Variants in ATXN10 observed in about 807,000 individuals in gnomAD.
The protein encoded by ATXN10 is ataxin-10.
Under a neutral mutation model 52.9 loss-of-function variants are expected in ATXN10, and 28 were observed. The ratio of observed to expected loss-of-function variants is 0.53; its 90% CI spans 0.39 to 0.73. The LOEUF (loss-of-function observed/expected upper bound fraction) is 0.73. Ranked by LOEUF, ATXN10 falls within the 30% of genes least tolerant of loss-of-function variation. ATXN10 has a pLI of 0.00. For missense variants in ATXN10, 565 were observed against 577.0 expected, an observed-to-expected ratio of 0.98 and a Z score of 0.21; for synonymous variants, 226 against 221.5, an observed-to-expected ratio of 1.02 and a Z score of -0.18.
At chr22:45,723,412 T>C (rs1924740119) in intron 6 of ATXN10, among the ~76,000 whole-genome samples, 1 of 151,890 alleles carries the variant, frequency 6.6e-6, no homozygotes, top group African/African-American at 2.4e-5. Flanking sequence ...TATAGTGGTG[T>C]GGTTTTGGTC....
At position 45,840,490 on chromosome 22, in the gene ATXN10, G is replaced by A. The variant is rs1266668810; in HGVS notation, c.1238-2501G>A. On this transcript the variant is annotated intron_variant, in intron 10 of 11. Transcript: ENST00000252934. The surrounding 1 kb of genome is among the most constrained non-coding windows in gnomAD (Gnocchi z 5.8). The stretch of plus-strand genomic sequence containing the variant: ...CCATGAGAAAGGAAGCAGCAGTGAG[G>A]GAAGCACATCCCAGGTCAGGGATTC... 6.6e-6 allele frequency among the ~76,000 whole-genome samples: 1 copy of A among 152,188 alleles called. No homozygotes were observed. The highest frequency in any genetic ancestry group is 1.9e-4 in the East Asian group (1 of 5,180).
At chr22:45,755,422 A>G (rs1225016829) in intron 9 of ATXN10, among the ~76,000 whole-genome samples, 1 of 152,196 alleles carries the variant, frequency 6.6e-6, no homozygotes, top group Non-Finnish European at 1.5e-5. Flanking sequence ...TCAAGAGACC[A>G]AGGAGGAGCA....
At chr22:45,798,154 T>G (rs926532319) in intron 9 of ATXN10, among the ~76,000 whole-genome samples, 1 of 152,208 alleles carries the variant, frequency 6.6e-6, no homozygotes, top group African/African-American at 2.4e-5. Flanking sequence ...GAGGGAACAC[T>G]TCTCAACTTA....
intron 9 of ATXN10, among the ~76,000 whole-genome samples, chr22:45,782,187 CTT>C (rs1219147049): frequency 7.2e-5 from 11 of 152,190 alleles, no homozygotes; most frequent in Non-Finnish European, 1.5e-5. Context: ...TCTTCTCAGT[CTT>C]TTATTCTTCA....
chr22:45,678,792 G>C lies in ATXN10; in HGVS notation c.116+6613G>C, dbSNP rs536320171. ...TTGACTCACACCACACATGATACAT[G>C]TAAGATCTGTGCTTAGTGCTGCAGC... is the stretch of plus-strand genomic sequence containing the variant. On this transcript the variant is annotated intron_variant, in intron 1 of 11. Coordinates refer to ENST00000252934, the MANE Select transcript of ATXN10 (RefSeq NM_013236.4). This position sits in a 1 kb window ranked among gnomAD's most constrained non-coding sequence, Gnocchi z 4.1. 152 of 152,284 alleles carry C rather than the reference G, an allele frequency of 1.0e-3. No homozygotes were observed. Among genetic ancestry groups the C allele is most frequent in the African/African-American group, 3.5e-3 (147 of 41,566 alleles). 9.4% of individuals were successfully genotyped at this position (152,284 alleles called of 1,614,324 possible). A position where few individuals can be genotyped will look rare whatever the true frequency, so the allele number is the denominator to read the frequency against.
At position 45,742,684 on chromosome 22, in the gene ATXN10, AT is replaced by A. The variant is rs537548349; in HGVS notation, c.1173+2147del. On this transcript the variant is annotated intron_variant, in intron 9 of 11. Coordinates refer to ENST00000252934, the MANE Select transcript of ATXN10 (RefSeq NM_013236.4). The stretch of plus-strand genomic sequence containing the variant: ...TAAAACGGCCGCTTTAGGATGCTAA[AT>A]GTTAGGGTAATTTGTTATGTAGCCG... 6.0e-3 allele frequency among the ~76,000 whole-genome samples: 919 copies of A among 152,300 alleles called. 3 individuals carry two copies. The highest frequency in any genetic ancestry group is 0.02 in the Middle Eastern group (6 of 294).
At chr22:45,799,045 A>G (rs948439097) in intron 9 of ATXN10, among the ~76,000 whole-genome samples, 2 of 151,836 alleles carry the variant, frequency 1.3e-5, no homozygotes, top group African/African-American at 4.8e-5. Context: ...AGTGAATGCT[A>G]TACCAGTCAG....
chr22:45,693,060 C>G lies in ATXN10; in HGVS notation c.373C>G (p.Gln125Glu). The G allele has an allele frequency of 6.2e-7, 1 of 1,613,872 alleles. No individual in the cohort carries two copies. Among genetic ancestry groups the G allele is most frequent in the Non-Finnish European group, 8.5e-7 (1 of 1,179,824 alleles). The change falls in exon 3 of 12, where the codon CAG (glutamine) becomes GAG (glutamate). Residue 125 changes from glutamine (Q) to glutamate (E), a missense_variant. Transcript: ENST00000252934. ...TCTGTTTCGTGAACTGCGAGTGGAA[C>G]AGGAATCTCTGTTGACAGGTAGCAT... Reference protein sequence around the residue: ...ILLFRELRVEQESLLTAFRCG... With the variant: ...ILLFRELRVEEESLLTAFRCG...
At chr22:45,685,709 T>C (rs567437371) in intron 1 of ATXN10, among the ~76,000 whole-genome samples, 1 of 152,308 alleles carries the variant, frequency 6.6e-6, no homozygotes, top group South Asian at 2.1e-4. Context: ...AGTTAAATGC[T>C]TTCATAGTAT....
intron 9 of ATXN10, among the ~76,000 whole-genome samples, chr22:45,778,024 C>T (rs570362238): frequency 6.6e-6 from 1 of 152,226 alleles, no homozygotes; most frequent in African/African-American, 2.4e-5. Context: ...TTTAATATTG[C>T]CTATGGCCAT....
At chr22:45,752,720 G>C (rs997619866) in intron 9 of ATXN10, among the ~76,000 whole-genome samples, 11 of 151,976 alleles carry the variant, frequency 7.2e-5, no homozygotes, top group African/African-American at 1.4e-4. Context: ...GGATTATTTT[G>C]TGGTTCTTTT....
rs754834174 is a variant in ATXN10 at position 45,793,770 on chromosome 22, G to A, written c.1174-13189G>A. The A allele has an allele frequency of 2.6e-5, 36 of 1,379,036 alleles. No homozygotes were observed. The South Asian group carries it at 5.8e-4, about 22-fold the overall frequency. 85.4% of individuals were successfully genotyped at this position (1,379,036 alleles called of 1,614,324 possible). On this transcript the variant is annotated intron_variant, in intron 9 of 11. Transcript: ENST00000252934. ...CCGATTCCTGCCTTTCCCCAGTGAT[G>A]CAGGACAGGTAAGCCCCCAAATTGG... is the stretch of plus-strand genomic sequence containing the variant.
chr22:45,689,740 A>G lies in ATXN10; in HGVS notation c.145A>G (p.Arg49Gly). The G allele has an allele frequency of 8.1e-6, 13 of 1,614,156 alleles. No individual in the cohort carries two copies. Among genetic ancestry groups the G allele is most frequent in the Non-Finnish European group, 1.1e-5 (13 of 1,180,016 alleles). ...RETAPRTIFQ[R>G]VLDILKKSSH... ...AACAGCACCCAGGACTATCTTCCAA[A>G]GAGTTCTGGATATCCTAAAGAAATC... is the stretch of plus-strand genomic sequence containing the variant. The change falls in exon 2 of 12, where the codon AGA becomes GGA. Residue 49 changes from arginine (R) to glycine (G), a missense_variant. Physicochemically the swap from Arg to Gly is moderately radical, Grantham distance 125. Coordinates refer to ENST00000252934, the MANE Select transcript of ATXN10 (RefSeq NM_013236.4).
rs779503907 is a variant in ATXN10, at chr22:45,842,637, C to T, written c.1238-354C>T. 7.2e-5 allele frequency among the ~76,000 whole-genome samples: 11 copies of T among 152,082 alleles called. No individual in the cohort carries two copies. Among genetic ancestry groups the T allele is most frequent in the South Asian group, 6.2e-4 (3 of 4,818 alleles). On this transcript the variant is annotated intron_variant, in intron 10 of 11. Transcript: ENST00000252934. The surrounding 1 kb of genome is among the most constrained non-coding windows in gnomAD (Gnocchi z 4.8). ...CAACAAAGGAATGTGTGTGTGTGCA[C>T]GCACACACGTTTGCCTGTGTGTGTG...
At chr22:45,698,748 C>T (rs749531504) in intron 3 of ATXN10, among the ~76,000 whole-genome samples, 10 of 152,162 alleles carry the variant, frequency 6.6e-5, no homozygotes, top group Admixed American at 3.3e-4. Flanking sequence ...ACCTTGAAAA[C>T]GGCAGCTAGT....
chr22:45,750,939 G>GTT lies in ATXN10; in HGVS notation c.1173+10409_1173+10410dup, dbSNP rs5845726. 3.3e-4 allele frequency among the ~76,000 whole-genome samples: 50 copies of GTT among 150,838 alleles called. No homozygotes were observed. Among genetic ancestry groups the GTT allele is most frequent in the Middle Eastern group, 3.5e-3 (1 of 288 alleles). ...AATTCTTTCTTTCTTCTACTTTCCT[G>GTT]TTTTTTTTTGAGACAGAGTCTTGCT... On this transcript the variant is annotated intron_variant, in intron 9 of 11. Transcript: ENST00000252934. This position sits in a 1 kb window ranked among gnomAD's most constrained non-coding sequence, Gnocchi z 4.2.
At chr22:45,741,039 T>C (rs148048502) in intron 9 of ATXN10, among the ~76,000 whole-genome samples, 220 of 152,286 alleles carry the variant, frequency 1.4e-3, no homozygotes, top group African/African-American at 5.0e-3. Flanking sequence ...AAGGTAGTTA[T>C]ATTGAGAATG....
rs151295951 is a variant in ATXN10 at position 45,783,904 on chromosome 22, G to A, written c.1174-23055G>A. Among the ~76,000 whole-genome samples the A allele has an allele frequency of 1.3e-5, 2 of 152,298 alleles. No homozygotes were observed. The highest frequency in any genetic ancestry group is 4.8e-5 in the African/African-American group (2 of 41,556). On this transcript the variant is annotated intron_variant, in intron 9 of 11. Transcript: ENST00000252934. This position sits in a 1 kb window ranked among gnomAD's most constrained non-coding sequence, Gnocchi z 5.0. ...AAATGGTCAGACTTCTTTCCTGTAG[G>A]TCAAGGCTGGTGAGAGTTTGGCACT...
intron 10 of ATXN10, among the ~76,000 whole-genome samples, chr22:45,809,643 C>G (rs1437213269): frequency 6.6e-6 from 1 of 152,138 alleles, no homozygotes; most frequent in East Asian, 1.9e-4. Context: ...TTCCCTGTTG[C>G]CCACGCTGTA....
Sources: gnomAD v4.1 joint callset for allele counts (sites outside exome capture counted in the v4.1 genomes callset) on GRCh38, gnomAD v4.1.1 for gene constraint, Gnocchi (gnomAD v3.1) non-coding constraint, MANE v1.5 for transcripts, NCBI Gene and HGNC (gene_info 2026-07-23, HGNC 2026-07-21) for gene names.